Variants in NBEAL1 observed in about 807,000 individuals in gnomAD.
The protein encoded by NBEAL1 is neurobeachin-like protein 1.
In NBEAL1, 273 loss-of-function variants were observed where a neutral mutation model predicts 351.3. That is an observed-to-expected ratio of 0.78 (90% confidence interval 0.70 to 0.86). The LOEUF (loss-of-function observed/expected upper bound fraction) is 0.86, where lower values mean the gene tolerates loss of function less well. Among genes scored for constraint, NBEAL1 ranks in the 40% least tolerant of loss-of-function variants. NBEAL1 has a pLI of 0.00. For missense variants in NBEAL1, 2,961 were observed against 3,201.3 expected (o/e 0.92, Z 1.81); for synonymous variants, 1,050 against 1,086.4 (o/e 0.97, Z 0.66).
rs547080937 is a variant in NBEAL1, at chr2:203,155,981, A to G, written c.5588-1718A>G. Among the ~76,000 whole-genome samples the G allele has an allele frequency of 8.6e-5, 13 of 151,680 alleles. 1 individual carries two copies. The South Asian group carries it at 1.9e-3, about 22-fold the overall frequency. ...TTTCTAGTTCCAACCTTCCTTTTGAACTCTAGAACAATGTTTCCAGCTGCC... is the reference window on the plus strand; with the variant it reads ...TTTCTAGTTCCAACCTTCCTTTTGAGCTCTAGAACAATGTTTCCAGCTGCC... On this transcript the variant is annotated intron_variant, in intron 35 of 55. Transcript: ENST00000683969.
At chr2:203,174,132 A>G (rs945438732) in intron 41 of NBEAL1, among the ~76,000 whole-genome samples, 3 of 135,566 alleles carry the variant, frequency 2.2e-5, no homozygotes, top group South Asian at 2.2e-4. Context: ...AATTTTCACA[A>G]TTCTTGACTG....
At chr2:203,180,851 C>T (rs1040297805) in intron 43 of NBEAL1, 4 of 165,014 alleles carry the variant, frequency 2.4e-5, no homozygotes, top group Admixed American at 1.3e-4. Context: ...GACTAACCAT[C>T]AGCTGACTAC....
At chr2:203,143,303 G>T (rs906116843) in intron 31 of NBEAL1, among the ~76,000 whole-genome samples, 1 of 148,580 alleles carries the variant, frequency 6.7e-6, no homozygotes, top group African/African-American at 2.6e-5. Flanking sequence ...GTCTGGGCTT[G>T]TGCCCTGACT....
chr2:203,169,352 G>T (rs568390070), intron 38 of NBEAL1, among the ~76,000 whole-genome samples: 1 of 127,378 alleles, frequency 7.9e-6, no homozygotes, highest in South Asian at 2.6e-4. Flanking sequence ...TCTGAAGTTA[G>T]ATAATGGTGA....
At chr2:203,059,058 C>T (rs1237089527) in intron 6 of NBEAL1, among the ~76,000 whole-genome samples, 2 of 152,142 alleles carry the variant, frequency 1.3e-5, no homozygotes, top group East Asian at 1.9e-4. Flanking sequence ...TCCTGCAACA[C>T]GATTGCAGCA....
chr2:203,087,090 CTTT>C (rs1003638123), intron 10 of NBEAL1, among the ~76,000 whole-genome samples: 3 of 121,062 alleles, frequency 2.5e-5, no homozygotes, highest in Admixed American at 8.8e-5. Flanking sequence ...CTTTTTCACT[CTTT>C]TTTTTTTTTT....
At chr2:203,152,894 C>T (rs962288694) in intron 35 of NBEAL1, among the ~76,000 whole-genome samples, 4 of 151,518 alleles carry the variant, frequency 2.6e-5, no homozygotes, top group South Asian at 2.1e-4. Flanking sequence ...AAAAATTAGC[C>T]GGGCATGGTG....
intron 12 of NBEAL1, among the ~76,000 whole-genome samples, chr2:203,105,525 G>T (rs1414102576): frequency 6.6e-6 from 1 of 151,916 alleles, no homozygotes; most frequent in Admixed American, 6.6e-5. Context: ...ATGGGTTTCT[G>T]TTGAAAGGTC....
At chr2:203,123,993 T>C (rs1230109145) in intron 19 of NBEAL1, among the ~76,000 whole-genome samples, 1 of 151,998 alleles carries the variant, frequency 6.6e-6, no homozygotes, top group Non-Finnish European at 1.5e-5. Flanking sequence ...AATTTACTTA[T>C]TTACACAAAG....
At position 203,218,988 on chromosome 2, in the gene NBEAL1, CT is replaced by C. The variant is rs2065925223; in HGVS notation, c.*1636del. ...AATGTCAAGGTGTCTTTTCTTAAGA[CT>C]TCAGGAATTTGTATTGAACAAAGTC... is the stretch of plus-strand genomic sequence containing the variant. On this transcript the variant is annotated 3_prime_UTR_variant, in exon 56 of 56. Coordinates refer to ENST00000683969, the MANE Select transcript of NBEAL1 (RefSeq NM_001378026.1). The C allele has an allele frequency of 6.6e-6, 1 of 152,066 alleles. No homozygotes were observed. The highest frequency in any genetic ancestry group is 2.1e-4 in the South Asian group (1 of 4,838). 9.4% of individuals were successfully genotyped at this position (152,066 alleles called of 1,614,324 possible). A position where few individuals can be genotyped will look rare whatever the true frequency, so the allele number is the denominator to read the frequency against.
intron 31 of NBEAL1, among the ~76,000 whole-genome samples, chr2:203,143,181 A>G (rs2063424402): frequency 6.6e-6 from 1 of 152,208 alleles, no homozygotes; most frequent in Non-Finnish European, 1.5e-5. Flanking sequence ...CTTTAATTTT[A>G]AGACTTAGAT....
chr2:203,136,800 A>G (rs762144563), intron 29 of NBEAL1, 26 bp downstream of exon 29: 4 of 1,601,936 alleles, frequency 2.5e-6, no homozygotes, highest in East Asian at 2.2e-5. Flanking sequence ...GTGATTTTCC[A>G]TCCTCCTTTT....
chr2:203,028,196 T>C (rs1174044533), intron 2 of NBEAL1, among the ~76,000 whole-genome samples: 2 of 151,750 alleles, frequency 1.3e-5, no homozygotes, highest in East Asian at 1.9e-4. Context: ...TTTTTTTTTT[T>C]TTTAAGAGAC....
chr2:203,023,431 A>T (rs776430894), intron 2 of NBEAL1, among the ~76,000 whole-genome samples: 12 of 152,234 alleles, frequency 7.9e-5, no homozygotes, highest in Non-Finnish European at 1.3e-4. Flanking sequence ...TGTATAGTTT[A>T]TATCAGTGGA....
In NBEAL1 at chr2:203,128,040, A is replaced by AT. The variant is rs1332467175; in HGVS notation, c.3405+104dup. ...TCTAGTTAAATATTTTGAGAGTAAA[A>AT]TATGTGTAGTGTCACATTCAATATT... is the stretch of plus-strand genomic sequence containing the variant. On this transcript the variant is annotated intron_variant, in intron 24 of 55. Coordinates refer to ENST00000683969, the MANE Select transcript of NBEAL1 (RefSeq NM_001378026.1). 10 of 866,742 alleles carry AT rather than the reference A, an allele frequency of 1.2e-5. No homozygotes were observed. In the East Asian group the frequency reaches 2.8e-4, roughly 24 times the overall value. The allele number at this position is 866,742 out of a possible 1,614,324, so 53.7% of individuals were successfully genotyped here.
At chr2:203,176,729 CAA>C (rs10655926) in intron 42 of NBEAL1, among the ~76,000 whole-genome samples, 12 of 133,186 alleles carry the variant, frequency 9.0e-5, no homozygotes, top group African/African-American at 1.7e-4. Flanking sequence ...GAAACTGTCT[CAA>C]AAAAAAAAAA....
chr2:203,209,004 G>A (rs565409401), intron 52 of NBEAL1, among the ~76,000 whole-genome samples, 157 bp from the exon 53 acceptor site: 3 of 152,166 alleles, frequency 2.0e-5, no homozygotes, highest in East Asian at 3.9e-4. Flanking sequence ...TTGAAATTTC[G>A]AAGTTGGAAT....
intron 7 of NBEAL1, among the ~76,000 whole-genome samples, chr2:203,076,476 C>CAAAAAA (rs763150052): frequency 0.021 from 447 of 21,540 alleles, 7 homozygotes; most frequent in African/African-American, 0.036. Context: ...GACCCTGTCT[C>CAAAAAA]AAAAACAAAC....
Position 203,206,449 on chromosome 2 carries a change from T to G in NBEAL1, c.7507-2188T>G, listed in dbSNP as rs549023229. Among the ~76,000 whole-genome samples, 46 of 152,068 alleles carry G rather than the reference T, an allele frequency of 3.0e-4. 2 individuals are homozygous for G. In the South Asian group the frequency reaches 8.3e-3, roughly 27 times the overall value. ...CTCTCCCTCTCCCCTCTTTCCACCGTCTTCCTCTGATGCCGAGCCAAAGCT... is the reference window on the plus strand; with the variant it reads ...CTCTCCCTCTCCCCTCTTTCCACCGGCTTCCTCTGATGCCGAGCCAAAGCT... On this transcript the variant is annotated intron_variant, in intron 51 of 55. Transcript: ENST00000683969.
Sources: gnomAD v4.1 joint callset for allele counts (sites outside exome capture counted in the v4.1 genomes callset) on GRCh38, gnomAD v4.1.1 for gene constraint, MANE v1.5 for transcripts, NCBI Gene and HGNC (gene_info 2026-07-23, HGNC 2026-07-21) for gene names.